The following AQP7 variants were observed in gnomAD, a reference collection of about 807,000 sequenced individuals.
The protein encoded by AQP7 is aquaporin-7.
A neutral mutation model predicts 26.1 loss-of-function variants in AQP7; 22 were observed. That is an observed-to-expected ratio of 0.84 (90% CI 0.60 to 1.20). The LOEUF (loss-of-function observed/expected upper bound fraction) is 1.20, where lower values mean the gene tolerates loss of function less well. AQP7 is among the 50% of genes most tolerant of loss of function. The pLI is 0.00. For missense variants in AQP7, 412 were observed against 457.5 expected, an observed-to-expected ratio of 0.90 and a Z score of 0.91; for synonymous variants, 167 against 181.7, an observed-to-expected ratio of 0.92 and a Z score of 0.65.
At chr9:33,394,638 C>T (rs570433624) in intron 3 of AQP7, among the ~76,000 whole-genome samples, 3 of 152,020 alleles carry the variant, frequency 2.0e-5, no homozygotes, top group African/African-American at 7.2e-5. Context: ...ACTGAGATTA[C>T]AGGCGTCCGC....
chr9:33,394,874 A>C (rs1347907097), intron 3 of AQP7, among the ~76,000 whole-genome samples: 1 of 151,998 alleles, frequency 6.6e-6, no homozygotes, highest in Non-Finnish European at 1.5e-5. Context: ...GCATGGTTTC[A>C]TTTGACCCCC....
rs752231258 is a variant in AQP7, at chr9:33,385,744, G to A, written c.648C>T (p.Ser216=). The change falls in exon 7 of 8, where the codon TCC becomes TCT. Residue 216 remains serine, a synonymous_variant. Coordinates refer to ENST00000297988, the MANE Select transcript of AQP7 (RefSeq NM_001170.3). ...IGILVVIIGV[S]LGMNTGYAIN... ...TGGCATATCCTGTGTTCATGCCAAG[G>A]GACACCCCGATGATGACCACGAGGA... The A allele has an allele frequency of 6.8e-6, 11 of 1,613,792 alleles. No individual in the cohort carries two copies. Among genetic ancestry groups the A allele is most frequent in the African/African-American group, 5.3e-5 (4 of 74,914 alleles).
At chr9:33,386,751 T>A (rs538333663) in intron 4 of AQP7, among the ~76,000 whole-genome samples, 1 of 152,254 alleles carries the variant, frequency 6.6e-6, no homozygotes, top group East Asian at 1.9e-4. Context: ...ATGGCTTGCC[T>A]AAGATGACCC....
At chr9:33,399,824 A>G (rs1257046994) in intron 2 of AQP7, among the ~76,000 whole-genome samples, 4 of 151,626 alleles carry the variant, frequency 2.6e-5, no homozygotes, top group Admixed American at 6.6e-5. Context: ...GTGGCCTGAC[A>G]TGGCCATGGG....
chr9:33,399,501 T>C (rs1301698908), intron 2 of AQP7, among the ~76,000 whole-genome samples: 1 of 151,148 alleles, frequency 6.6e-6, no homozygotes, highest in Admixed American at 6.6e-5. Flanking sequence ...GGGGAGGGGC[T>C]GAGACATGAG....
chr9:33,385,156 T>C lies in AQP7; in HGVS notation c.878A>G (p.Tyr293Cys). The C allele has an allele frequency of 6.2e-7, 1 of 1,611,922 alleles. No individual in the cohort carries two copies. The highest frequency in any genetic ancestry group is 1.1e-5 in the South Asian group (1 of 90,980). Reference protein sequence around the residue: ...EPLKLEDSVAYEDHGITVLPK... With the variant: ...EPLKLEDSVACEDHGITVLPK... ...CAATACGGTTATCCCGTGGTCTTCA[T>C]ACGCCACAGAATCCTCCAATTTCAG... Residue 293 changes from tyrosine to cysteine, a missense_variant, in exon 8 of 8, where the codon TAT (tyrosine) becomes TGT (cysteine). Physicochemically the swap from Tyr to Cys is radical, Grantham distance 194. Coordinates refer to ENST00000297988, the MANE Select transcript of AQP7 (RefSeq NM_001170.3).
At chr9:33,397,826 A>C (rs1214719057) in intron 2 of AQP7, among the ~76,000 whole-genome samples, 1 of 152,128 alleles carries the variant, frequency 6.6e-6, no homozygotes, top group Non-Finnish European at 1.5e-5. Flanking sequence ...CACCAAGAGA[A>C]TCCTGGAAGC....
chr9:33,390,238 T>C (rs1469843970), intron 3 of AQP7, among the ~76,000 whole-genome samples: 2 of 151,558 alleles, frequency 1.3e-5, no homozygotes, highest in Admixed American at 1.3e-4. Context: ...AGGCTGAAGA[T>C]AAAGGACAGA....
chr9:33,387,179 C>G, intron 3 of AQP7, 87 bp from the exon 4 acceptor site: 1 of 1,432,172 alleles, frequency 7.0e-7, no homozygotes. Flanking sequence ...GCTCCTCACC[C>G]CCATGCCCTG....
chr9:33,389,167 A>C (rs201479253), intron 3 of AQP7, among the ~76,000 whole-genome samples: 1 of 152,102 alleles, frequency 6.6e-6, no homozygotes, highest in Non-Finnish European at 1.5e-5. Context: ...AGTTGAGATA[A>C]TAGGTGCACG....
In AQP7 at chr9:33,386,253, C is replaced by T; in HGVS notation, c.407-58G>A. On this transcript the variant is annotated intron_variant, in intron 5 of 7. Coordinates refer to ENST00000297988, the MANE Select transcript of AQP7 (RefSeq NM_001170.3). ...TCCCAACTAAGCCCCACCGGGGTCC[C>T]AGAAATGAGGTTATAGGTTAGAGGG... 22 of 1,610,630 alleles carry T rather than the reference C, an allele frequency of 1.4e-5. 1 individual carries two copies. The South Asian group carries it at 2.3e-4, about 17-fold the overall frequency.
At position 33,385,046 on chromosome 9, in the gene AQP7, C is replaced by T. The variant is rs1824605378; in HGVS notation, c.988G>A (p.Ala330Thr). The change falls in exon 8 of 8, where the codon GCC (alanine) becomes ACC (threonine). Residue 330 changes from alanine to threonine, a missense_variant. Transcript: ENST00000297988. ...GCCATGGATTCATGTAAGGGTGGGG[C>T]AGGGTGGACTGAAGATCTGTTGGCA... ...SPANRSSVHP[A>T]PPLHESMALE... 1 of 1,611,688 alleles carries T rather than the reference C, an allele frequency of 6.2e-7. No individual in the cohort carries two copies.
intron 3 of AQP7, chr9:33,391,485 G>C (rs1261098901): frequency 3.0e-6 from 1 of 328,468 alleles, no homozygotes; most frequent in African/African-American, 2.1e-5. Context: ...GGGCCCGGAT[G>C]GCTCCAGCCC....
chr9:33,389,193 A>AT (rs1012819169), intron 3 of AQP7, among the ~76,000 whole-genome samples: 1 of 151,910 alleles, frequency 6.6e-6, no homozygotes, highest in East Asian at 1.9e-4. Flanking sequence ...ATGCCCAACT[A>AT]TTTTTTTGTA....
In AQP7 at chr9:33,402,380, A is replaced by T. The variant is rs1054190709; in HGVS notation, c.-33T>A. On this transcript the variant is annotated 5_prime_UTR_variant, in exon 1 of 8. Coordinates refer to ENST00000297988, the MANE Select transcript of AQP7 (RefSeq NM_001170.3). ...GCCTGGAGCCCCACTCACTCTGCTG[A>T]AATGTCTCTGATTCTCAGCCTCCGC... The T allele has an allele frequency of 6.5e-6, 1 of 152,674 alleles. No homozygotes were observed. Among genetic ancestry groups the T allele is most frequent in the East Asian group, 1.9e-4 (1 of 5,178 alleles). The allele number at this position is 152,674 out of a possible 1,614,324, so 9.5% of individuals were successfully genotyped here. A position where few individuals can be genotyped will look rare whatever the true frequency, so the allele number is the denominator to read the frequency against.
chr9:33,394,993 A>G, intron 3 of AQP7, 85 bp downstream of exon 3: 1 of 1,175,820 alleles, frequency 8.5e-7, no homozygotes, highest in Non-Finnish European at 1.3e-6. Context: ...GGAATGGACA[A>G]TGTGACCCAT....
In AQP7 at chr9:33,385,967, G is replaced by A. The variant is rs1182357937; in HGVS notation, c.526-101C>T. 7 of 1,565,114 alleles carry A rather than the reference G, an allele frequency of 4.5e-6. No homozygotes were observed. The East Asian group carries it at 9.1e-5, about 20-fold the overall frequency. On this transcript the variant is annotated intron_variant, in intron 6 of 7. Transcript: ENST00000297988. ...AGCCCACCAGCAGAGACACGTCTCGGTACAGTCTCCATCCAGAGTTCTTGT... is the reference window on the plus strand; with the variant it reads ...AGCCCACCAGCAGAGACACGTCTCGATACAGTCTCCATCCAGAGTTCTTGT...
At chr9:33,398,195 A>T (rs1385107463) in intron 2 of AQP7, among the ~76,000 whole-genome samples, 5 of 151,456 alleles carry the variant, frequency 3.3e-5, no homozygotes, top group Non-Finnish European at 7.4e-5. Context: ...TGGGCGTAGG[A>T]CTGGCATGTG....
intron 6 of AQP7, 21 bp downstream of exon 6, chr9:33,386,056 T>C (rs750448539): frequency 2.5e-6 from 4 of 1,612,212 alleles, no homozygotes; most frequent in Non-Finnish European, 3.4e-6. Context: ...GGGGGAGGGA[T>C]ACTCATCCTC....
Sources: gnomAD v4.1 joint callset for allele counts (sites outside exome capture counted in the v4.1 genomes callset) on GRCh38, gnomAD v4.1.1 for gene constraint, MANE v1.5 for transcripts, NCBI Gene and HGNC (gene_info 2026-07-23, HGNC 2026-07-21) for gene names.